The following CYB5B variants were observed in gnomAD, a reference collection of about 807,000 sequenced individuals.
CYB5B encodes cytochrome b5 type B (outer mitochondrial membrane).
Under a neutral mutation model 21.3 loss-of-function variants are expected in CYB5B, and 14 were observed. The ratio of observed to expected loss-of-function variants is 0.66; its 90% CI spans 0.43 to 1.03. The LOEUF (loss-of-function observed/expected upper bound fraction) is 1.03. Ranked by LOEUF, CYB5B falls within the 50% of genes least tolerant of loss-of-function variation. The pLI, the probability that CYB5B is intolerant of heterozygous loss-of-function variation, is 0.00. For synonymous variants in CYB5B, 69 were observed against 68.4 expected, an observed-to-expected ratio of 1.01 and a Z score of -0.04; for missense variants, 166 against 185.1, an observed-to-expected ratio of 0.90 and a Z score of 0.60.
chr16:69,434,351 A>G (rs1597280311), intron 1 of CYB5B, among the ~76,000 whole-genome samples: 1 of 152,172 alleles, frequency 6.6e-6, no homozygotes, highest in African/African-American at 2.4e-5. Flanking sequence ...CTTTGTGTGG[A>G]CATATGATTT....
chr16:69,451,500 A>G (rs544880883), intron 3 of CYB5B, among the ~76,000 whole-genome samples: 2 of 152,158 alleles, frequency 1.3e-5, no homozygotes, highest in African/African-American at 4.8e-5. Context: ...TTTCTTCAAC[A>G]GATATTATCT....
intron 1 of CYB5B, among the ~76,000 whole-genome samples, chr16:69,437,007 T>C (rs1220136665): frequency 1.3e-5 from 2 of 152,240 alleles, no homozygotes; most frequent in Non-Finnish European, 2.9e-5. Context: ...TAAATGAACT[T>C]AAGGAAAAGT....
chr16:69,435,709 C>G (rs1383696418), intron 1 of CYB5B, among the ~76,000 whole-genome samples: 4 of 152,148 alleles, frequency 2.6e-5, no homozygotes, highest in African/African-American at 9.7e-5. Flanking sequence ...GCGGTCTCAG[C>G]TCATTACAAC....
intron 1 of CYB5B, among the ~76,000 whole-genome samples, chr16:69,445,110 A>G (rs1045723564): frequency 6.6e-6 from 1 of 152,230 alleles, no homozygotes; most frequent in Admixed American, 6.5e-5. Context: ...GCAACACAAT[A>G]GTTGGGTTGT....
chr16:69,434,069 C>G (rs1313812285), intron 1 of CYB5B, among the ~76,000 whole-genome samples: 2 of 152,182 alleles, frequency 1.3e-5, no homozygotes, highest in Non-Finnish European at 2.9e-5. Flanking sequence ...TTATGTGGCA[C>G]ATAACTGTAG....
intron 2 of CYB5B, 58 bp from the exon 3 acceptor site, chr16:69,448,057 T>C: frequency 6.4e-7 from 1 of 1,551,682 alleles, no homozygotes; most frequent in South Asian, 1.1e-5. Context: ...AACAAGCATA[T>C]AGTGAGAATT....
intron 1 of CYB5B, among the ~76,000 whole-genome samples, chr16:69,435,791 C>A (rs2014754559): frequency 6.6e-6 from 1 of 152,024 alleles, no homozygotes; most frequent in African/African-American, 2.4e-5. Flanking sequence ...GTACCCGCCA[C>A]CACACCTGGC....
Position 69,424,848 on chromosome 16 carries a change from C to T in CYB5B, c.165C>T (p.Phe55=), listed in dbSNP as rs2014626160. Residue 55 remains phenylalanine (F), a synonymous_variant, in exon 1 of 5, where the codon TTC becomes TTT. Coordinates refer to ENST00000307892, the MANE Select transcript of CYB5B (RefSeq NM_030579.3). Reference sequence around the variant, plus strand: ...GGCGAGTCTACGATGTCACCCGCTTCCTCAACGAGGTGGGGCCTGGGAGGT... The same window carrying T: ...GGCGAGTCTACGATGTCACCCGCTTTCTCAACGAGGTGGGGCCTGGGAGGT... The part of the protein sequence containing the change: ...IHGRVYDVTR[F]LNEHPGGEEV... The T allele has an allele frequency of 6.3e-7, 1 of 1,579,624 alleles. No homozygotes were observed. The highest frequency in any genetic ancestry group is 1.2e-5 in the South Asian group (1 of 86,904).
intron 1 of CYB5B, among the ~76,000 whole-genome samples, chr16:69,438,959 A>C (rs1259424279): frequency 6.6e-6 from 1 of 151,878 alleles, no homozygotes; most frequent in Non-Finnish European, 1.5e-5. Flanking sequence ...ATTCTGATGG[A>C]GTCCAATTTA....
rs538492446 is a variant in CYB5B at position 69,464,568 on chromosome 16, G to A, written c.*2048G>A. 6.6e-6 allele frequency: 1 copy of A among 152,270 alleles called. No individual in the cohort carries two copies. The highest frequency in any genetic ancestry group is 1.5e-5 in the Non-Finnish European group (1 of 68,030). 9.4% of individuals were successfully genotyped at this position (152,270 alleles called of 1,614,324 possible). On this transcript the variant is annotated 3_prime_UTR_variant, in exon 5 of 5. Coordinates refer to ENST00000307892, the MANE Select transcript of CYB5B (RefSeq NM_030579.3). ...CTTGAAAGGGAACATTCAAACTAAA[G>A]CCAAGCCTGAAGATAACTTGAATCA...
intron 1 of CYB5B, among the ~76,000 whole-genome samples, chr16:69,431,004 A>G (rs958366311): frequency 7.6e-6 from 1 of 130,886 alleles, no homozygotes; most frequent in Non-Finnish European, 1.6e-5. Flanking sequence ...GTATTTATTT[A>G]TTTATTTATT....
intron 1 of CYB5B, chr16:69,443,990 A>G (rs1567472759): frequency 2.6e-5 from 4 of 152,340 alleles, no homozygotes; most frequent in Non-Finnish European, 5.9e-5. Flanking sequence ...CGTTTGTTAT[A>G]TTTCCTTTCA....
chr16:69,462,629 C>G lies in CYB5B; in HGVS notation c.*109C>G, dbSNP rs2015046655. 3.4e-6 allele frequency: 3 copies of G among 884,586 alleles called. No individual in the cohort carries two copies. Among genetic ancestry groups the G allele is most frequent in the Non-Finnish European group, 5.5e-6 (3 of 546,566 alleles). 54.8% of individuals were successfully genotyped at this position (884,586 alleles called of 1,614,324 possible). A position where few individuals can be genotyped will look rare whatever the true frequency, so the allele number is the denominator to read the frequency against. ...CTCGAATCCTGCCAGTTGCATTCTT[C>G]CCCCTTGGAGCCAAGACGATTGGCC... On this transcript the variant is annotated 3_prime_UTR_variant, in exon 5 of 5. Transcript: ENST00000307892.
intron 1 of CYB5B, among the ~76,000 whole-genome samples, chr16:69,428,717 G>A (rs2014674383): frequency 6.6e-6 from 1 of 152,148 alleles, no homozygotes; most frequent in African/African-American, 2.4e-5. Flanking sequence ...TGTGGTGTGA[G>A]GAGGAGGGTT....
chr16:69,453,870 T>G (rs2014958727), intron 3 of CYB5B, among the ~76,000 whole-genome samples: 1 of 152,178 alleles, frequency 6.6e-6, no homozygotes, highest in Non-Finnish European at 1.5e-5. Context: ...CTGGCTTATT[T>G]CCCATTTTCA....
chr16:69,451,174 C>T (rs1180036788), intron 3 of CYB5B, among the ~76,000 whole-genome samples: 1 of 152,170 alleles, frequency 6.6e-6, no homozygotes, highest in Admixed American at 6.5e-5. Context: ...CTTTGTGAAT[C>T]TCTTCCTTGC....
intron 4 of CYB5B, among the ~76,000 whole-genome samples, chr16:69,461,302 G>T (rs985765156): frequency 5.9e-5 from 9 of 152,106 alleles, no homozygotes; most frequent in African/African-American, 2.2e-4. Flanking sequence ...TACTCTTCAA[G>T]GAGTCTGAAT....
chr16:69,445,978 A>G (rs1401771862), intron 1 of CYB5B, among the ~76,000 whole-genome samples: 1 of 152,126 alleles, frequency 6.6e-6, no homozygotes, highest in African/African-American at 2.4e-5. Flanking sequence ...ATTTTTTTTC[A>G]GAAGAGTATG....
Position 69,443,855 on chromosome 16 carries a change from AAAAC to A in CYB5B, c.175-3276_175-3273del, listed in dbSNP as rs367766354. 8.1e-3 allele frequency: 1,260 copies of A among 155,362 alleles called. 7 individuals carry two copies. The highest frequency in any genetic ancestry group is 0.022 in the Middle Eastern group (8 of 370). 9.6% of individuals were successfully genotyped at this position (155,362 alleles called of 1,614,324 possible). A position where few individuals can be genotyped will look rare whatever the true frequency, so the allele number is the denominator to read the frequency against. ...GGGCAACAGAGTGAGACTCCGTCTCAAAACAAACAAACAAACAAACAACAACAAC... is the reference window on the plus strand; with the variant it reads ...GGGCAACAGAGTGAGACTCCGTCTCAAAACAAACAAACAAACAACAACAAC... On this transcript the variant is annotated intron_variant, in intron 1 of 4. Transcript: ENST00000307892.
Sources: gnomAD v4.1 joint callset for allele counts (sites outside exome capture counted in the v4.1 genomes callset) on GRCh38, gnomAD v4.1.1 for gene constraint, MANE v1.5 for transcripts, NCBI Gene and HGNC (gene_info 2026-07-23, HGNC 2026-07-21) for gene names.